The following CMYA5 variants were observed in gnomAD, a reference collection of about 807,000 sequenced individuals.
CMYA5 encodes the protein cardiomyopathy associated 5, also known as cardiomyopathy-associated protein 5.
A neutral mutation model predicts 318.9 loss-of-function variants in CMYA5; 246 were observed. That is an observed-to-expected ratio of 0.77 (90% CI 0.70 to 0.86). The LOEUF (loss-of-function observed/expected upper bound fraction) is 0.86, where lower values mean the gene tolerates loss of function less well. Among genes scored for constraint, CMYA5 ranks in the 40% least tolerant of loss-of-function variants. The pLI is 0.00. For missense variants in CMYA5, 4,589 were observed against 4,678.2 expected, an observed-to-expected ratio of 0.98 and a Z score of 0.56; for synonymous variants, 1,641 against 1,729.5, an observed-to-expected ratio of 0.95 and a Z score of 1.27.
chr5:79,767,998 A>G (rs1160552186), intron 9 of CMYA5, among the ~76,000 whole-genome samples: 3 of 152,156 alleles, frequency 2.0e-5, no homozygotes, highest in Non-Finnish European at 2.9e-5. Flanking sequence ...TTGGGTGCAT[A>G]TATATTTAGG....
At chr5:79,746,877 C>G (rs1366774257) in intron 4 of CMYA5, among the ~76,000 whole-genome samples, 3 of 152,154 alleles carry the variant, frequency 2.0e-5, no homozygotes, top group Non-Finnish European at 4.4e-5. Flanking sequence ...CCCATTCCCC[C>G]TCCCCTGCAC....
chr5:79,704,664 G>A (rs1827236438), intron 1 of CMYA5, among the ~76,000 whole-genome samples: 1 of 152,030 alleles, frequency 6.6e-6, no homozygotes, highest in Non-Finnish European at 1.5e-5. Flanking sequence ...GGTGCCATTT[G>A]GGGATAGCTA....
At position 79,735,875 on chromosome 5, in the gene CMYA5, A is replaced by G; in HGVS notation, c.7110A>G (p.Gln2370=). 2 of 1,577,596 alleles carry G rather than the reference A, an allele frequency of 1.3e-6. No individual in the cohort carries two copies. The highest frequency in any genetic ancestry group is 8.6e-7 in the Non-Finnish European group (1 of 1,168,582). ...SIFKEEPRSD[Q]KQKSLLSFDV... ...TTAAGGAAGAGCCAAGAAGTGATCA[A>G]AAACAAAAATCACTCCTTTCATTTG... Residue 2370 remains glutamine (Q), a synonymous_variant, in exon 2 of 13, where the codon CAA becomes CAG. Transcript: ENST00000446378.
At chr5:79,793,812 A>G (rs1829224987) in intron 12 of CMYA5, among the ~76,000 whole-genome samples, 1 of 152,206 alleles carries the variant, frequency 6.6e-6, no homozygotes, top group African/African-American at 2.4e-5. Context: ...TGTGTGAATC[A>G]TACCTGAAGA....
At chr5:79,753,959 G>C (rs1294238365) in intron 6 of CMYA5, among the ~76,000 whole-genome samples, 1 of 152,222 alleles carries the variant, frequency 6.6e-6, no homozygotes, top group Non-Finnish European at 1.5e-5. Flanking sequence ...ATATGCCACT[G>C]TTCATTTAGG....
intron 1 of CMYA5, among the ~76,000 whole-genome samples, chr5:79,710,117 C>A (rs1237008339): frequency 6.6e-6 from 1 of 151,864 alleles, no homozygotes; most frequent in African/African-American, 2.4e-5. Flanking sequence ...ATTTTGAATG[C>A]AGAAGCAGAT....
rs775987497 is a variant in CMYA5 at position 79,738,633 on chromosome 5, TG to T, written c.9869del (p.Cys3290SerfsTer19). ...AATTTGGGGAAAGTTTGGAACTATT[TG>T]CAGGGAGAAGAGTCTGGAAGAACAG... is the stretch of plus-strand genomic sequence containing the variant. ...GEIWGKFGTI[C>X]REKSLEEQKG... On this transcript the variant is annotated frameshift_variant, in exon 2 of 13. Coordinates refer to ENST00000446378, the MANE Select transcript of CMYA5 (RefSeq NM_153610.5). LOFTEE classifies it high-confidence loss of function. 5.0e-6 allele frequency: 8 copies of T among 1,613,898 alleles called. No individual in the cohort carries two copies. Among genetic ancestry groups the T allele is most frequent in the Non-Finnish European group, 5.9e-6 (7 of 1,179,846 alleles).
chr5:79,738,437 C>T lies in CMYA5; in HGVS notation c.9672C>T (p.Pro3224=). Residue 3224 remains proline (P), a synonymous_variant, in exon 2 of 13, where the codon CCC becomes CCT. Coordinates refer to ENST00000446378, the MANE Select transcript of CMYA5 (RefSeq NM_153610.5). ...GDSVNSEASF[P]SRNSDTDDGT... The stretch of plus-strand genomic sequence containing the variant: ...GTGTGAATTCTGAGGCATCATTTCC[C>T]AGCAGAAATTCTGACACTGATGATG... 1 of 1,613,630 alleles carries T rather than the reference C, an allele frequency of 6.2e-7. No individual in the cohort carries two copies. The highest frequency in any genetic ancestry group is 8.5e-7 in the Non-Finnish European group (1 of 1,179,838).
At chr5:79,703,602 G>C (rs1217320755) in intron 1 of CMYA5, among the ~76,000 whole-genome samples, 2 of 152,196 alleles carry the variant, frequency 1.3e-5, no homozygotes, top group African/African-American at 4.8e-5. Flanking sequence ...CTATAATAGA[G>C]TGTATGTATG....
chr5:79,797,617 A>T (rs547120131), intron 12 of CMYA5, among the ~76,000 whole-genome samples: 5 of 152,250 alleles, frequency 3.3e-5, no homozygotes, highest in African/African-American at 7.2e-5. Context: ...AAGCCACCAC[A>T]CTATCTCCAC....
At position 79,737,416 on chromosome 5, in the gene CMYA5, C is replaced by T; in HGVS notation, c.8651C>T (p.Pro2884Leu). Residue 2884 changes from proline (P) to leucine (L), a missense_variant, in exon 2 of 13, where the codon CCA becomes CTA. Physicochemically the swap from Pro to Leu is moderately conservative, Grantham distance 98. Transcript: ENST00000446378. ...EAAEDTRVKE[P>L]LSSAKSNYAQ... The stretch of plus-strand genomic sequence containing the variant: ...GCGGAAGATACCCGTGTAAAGGAAC[C>T]ACTGTCTTCAGCAAAAAGCAACTAT... 6.2e-7 allele frequency: 1 copy of T among 1,613,824 alleles called. No individual in the cohort carries two copies. Among genetic ancestry groups the T allele is most frequent in the Non-Finnish European group, 8.5e-7 (1 of 1,179,812 alleles).
intron 12 of CMYA5, among the ~76,000 whole-genome samples, chr5:79,795,572 G>A (rs1829261606): frequency 2.0e-5 from 3 of 152,092 alleles, no homozygotes; most frequent in Admixed American, 2.0e-4. Context: ...CTCGCAACTG[G>A]GAAATATTTC....
chr5:79,718,488 C>T (rs1325273237), intron 1 of CMYA5, among the ~76,000 whole-genome samples: 2 of 152,264 alleles, frequency 1.3e-5, no homozygotes, highest in East Asian at 3.9e-4. Flanking sequence ...TAAAAGACTT[C>T]ATGAGAAAGA....
At chr5:79,719,036 G>A (rs1025870454) in intron 1 of CMYA5, among the ~76,000 whole-genome samples, 4 of 151,852 alleles carry the variant, frequency 2.6e-5, no homozygotes, top group Admixed American at 2.0e-4. Flanking sequence ...TAAGTGACAC[G>A]TGTTATACAA....
chr5:79,774,808 C>A (rs1447995574), intron 9 of CMYA5, among the ~76,000 whole-genome samples: 1 of 152,218 alleles, frequency 6.6e-6, no homozygotes, highest in African/African-American at 2.4e-5. Flanking sequence ...GCTGGGGACA[C>A]CCACTGCTCT....
At chr5:79,719,222 C>T (rs1280828836) in intron 1 of CMYA5, among the ~76,000 whole-genome samples, 2 of 152,092 alleles carry the variant, frequency 1.3e-5, no homozygotes, top group Non-Finnish European at 2.9e-5. Context: ...TTTAAAAGTT[C>T]AATTTGTACA....
intron 1 of CMYA5, among the ~76,000 whole-genome samples, chr5:79,699,614 T>G (rs1011321435): frequency 3.9e-5 from 6 of 151,908 alleles, no homozygotes; most frequent in African/African-American, 1.5e-4. Context: ...GCAGACTGGG[T>G]GATATAGTTG....
intron 6 of CMYA5, among the ~76,000 whole-genome samples, chr5:79,754,443 A>G (rs1645225679): frequency 6.6e-6 from 1 of 152,158 alleles, no homozygotes. Context: ...TTCCCATTTG[A>G]CAGGTGAGGA....
intron 9 of CMYA5, among the ~76,000 whole-genome samples, chr5:79,767,263 C>A (rs911159652): frequency 2.2e-4 from 33 of 152,244 alleles, no homozygotes; most frequent in Admixed American, 4.6e-4. Flanking sequence ...TTCCTGGATT[C>A]ACTGATTTTT....
Sources: gnomAD v4.1 joint callset for allele counts (sites outside exome capture counted in the v4.1 genomes callset) on GRCh38, gnomAD v4.1.1 for gene constraint, MANE v1.5 for transcripts, NCBI Gene and HGNC (gene_info 2026-07-23, HGNC 2026-07-21) for gene names.